BLTP1: variants seen among roughly 807,000 people sequenced by gnomAD.
The protein encoded by BLTP1 is bridge-like lipid transfer protein family member 1.
chr4:122,220,140 GT>G, the BLTP1 span: 1 of 186,304 alleles, frequency 5.4e-6, no homozygotes, highest in South Asian at 1.8e-4. Context: ...GGTGGGGCCG[GT>G]GGCCCTCTGT....
the BLTP1 span, chr4:122,198,524 C>T: frequency 2.4e-6 from 2 of 822,904 alleles, no homozygotes; most frequent in Non-Finnish European, 2.9e-6. Flanking sequence ...CTGTTTTATG[C>T]AGTATTATAC....
chr4:122,222,616 G>C, the BLTP1 span, among the ~76,000 whole-genome samples: 1 of 152,038 alleles, frequency 6.6e-6, no homozygotes. Flanking sequence ...TTAGGCTCTG[G>C]TGGTTGCTAG....
the BLTP1 span, chr4:122,257,539 A>G: frequency 6.4e-7 from 1 of 1,573,618 alleles, no homozygotes; most frequent in Non-Finnish European, 8.7e-7. Flanking sequence ...ACACCTCACA[A>G]AACTAGGGTG....
chr4:122,281,395 C>T, the BLTP1 span: 1 of 1,328,838 alleles, frequency 7.5e-7, no homozygotes, highest in South Asian at 2.4e-5. Context: ...TTTAGAAAGT[C>T]TGAATATGAT....
At chr4:122,322,532 G>C in the BLTP1 span, among the ~76,000 whole-genome samples, 1 of 151,998 alleles carries the variant, frequency 6.6e-6, no homozygotes, top group Non-Finnish European at 1.5e-5. Context: ...TGCTTGTTCT[G>C]TCTCTTTAGA....
the BLTP1 span, chr4:122,273,507 G>GT: frequency 1.2e-5 from 10 of 839,426 alleles, no homozygotes; most frequent in Non-Finnish European, 1.4e-5. Flanking sequence ...AAAATTGTCA[G>GT]TTTTTTCATC....
At chr4:122,174,510 T>G in the BLTP1 span, 5 of 1,582,760 alleles carry the variant, frequency 3.2e-6, no homozygotes, top group Non-Finnish European at 4.3e-6. Context: ...TATTTTAAAC[T>G]TTAAGGGCCC....
chr4:122,175,410 A>G, the BLTP1 span: 2 of 345,126 alleles, frequency 5.8e-6, no homozygotes, highest in Non-Finnish European at 8.2e-6. Context: ...TTTGTGTGCT[A>G]ACATCCCTCT....
chr4:122,182,942 A>T, the BLTP1 span: 5 of 978,466 alleles, frequency 5.1e-6, no homozygotes, highest in Non-Finnish European at 6.1e-6. Context: ...CACTTGGGTC[A>T]CTTATTCTTG....
chr4:122,171,940 A>G, the BLTP1 span: 1 of 985,124 alleles, frequency 1.0e-6, no homozygotes, highest in Admixed American at 6.2e-5. Flanking sequence ...TTTCTCAGCA[A>G]ATGCCTGTTG....
chr4:122,344,446 G>C, the BLTP1 span: 1 of 1,613,972 alleles, frequency 6.2e-7, no homozygotes, highest in Non-Finnish European at 8.5e-7. Flanking sequence ...TAAACCTTGA[G>C]TTTGTAAAAG....
chr4:122,164,150 C>T, the BLTP1 span, among the ~76,000 whole-genome samples: 3 of 152,006 alleles, frequency 2.0e-5, no homozygotes, highest in East Asian at 3.9e-4. Context: ...ATTTAAGAAC[C>T]ATAGAAAGAA....
chr4:122,222,066 C>A, the BLTP1 span: 1 of 207,834 alleles, frequency 4.8e-6, no homozygotes, highest in Non-Finnish European at 8.4e-6. Flanking sequence ...GTAGAGATAC[C>A]AAGGTGAAAG....
At chr4:122,239,041 T>A in the BLTP1 span, among the ~76,000 whole-genome samples, 187 of 152,250 alleles carry the variant, frequency 1.2e-3, no homozygotes, top group African/African-American at 4.0e-3. Context: ...ACTCAACATA[T>A]TAAAAATGGC....
the BLTP1 span, among the ~76,000 whole-genome samples, chr4:122,303,741 G>A: frequency 7.2e-5 from 11 of 152,164 alleles, no homozygotes; most frequent in Non-Finnish European, 1.3e-4. Flanking sequence ...AATGTGGAGC[G>A]TGAAGATGGG....
At chr4:122,273,524 G>A in the BLTP1 span, 1 of 722,352 alleles carries the variant, frequency 1.4e-6, no homozygotes, top group South Asian at 6.2e-5. Flanking sequence ...CATCTGTTTA[G>A]CCAAAGTTAA....
the BLTP1 span, among the ~76,000 whole-genome samples, chr4:122,280,549 A>C: frequency 6.6e-6 from 1 of 151,638 alleles, no homozygotes; most frequent in Non-Finnish European, 1.5e-5. Flanking sequence ...TGTAATCCCA[A>C]CTACTTGGGA....
the BLTP1 span, chr4:122,339,514 G>A: frequency 1.3e-6 from 1 of 770,878 alleles, no homozygotes; most frequent in Non-Finnish European, 1.8e-6. Context: ...TTGGAAAAGG[G>A]GAATATTTGA....
the BLTP1 span, chr4:122,306,739 AAAT>A: frequency 1.1e-6 from 1 of 895,516 alleles, no homozygotes; most frequent in Non-Finnish European, 1.3e-6. Flanking sequence ...TCATAGAAGA[AAAT>A]AATGGGAAAG....
Sources: gnomAD v4.1 joint callset for allele counts (sites outside exome capture counted in the v4.1 genomes callset) on GRCh38, gnomAD v4.1.1 for gene constraint, MANE v1.5 for transcripts, NCBI Gene and HGNC (gene_info 2026-07-23, HGNC 2026-07-21) for gene names.